Variants in IL12RB2 observed in about 807,000 individuals in gnomAD.
IL12RB2 encodes the protein interleukin 12 receptor subunit beta 2, also known as interleukin-12 receptor subunit beta-2.
In IL12RB2, 82 loss-of-function variants were observed where a neutral mutation model predicts 89.4. The ratio of observed to expected loss-of-function variants is 0.92; its 90% CI spans 0.77 to 1.10. The LOEUF is 1.10. Among genes scored for constraint, IL12RB2 ranks in the 50% least tolerant of loss-of-function variants. The pLI, the probability that IL12RB2 is intolerant of heterozygous loss-of-function variation, is 0.00. For missense variants in IL12RB2, 963 were observed against 1,031.9 expected (o/e 0.93, Z 0.92); for synonymous variants, 368 against 370.1 (o/e 0.99, Z 0.07).
At chr1:67,370,300 C>T (rs1663161067) in intron 11 of IL12RB2, among the ~76,000 whole-genome samples, 1 of 152,062 alleles carries the variant, frequency 6.6e-6, no homozygotes, top group African/African-American at 2.4e-5. Flanking sequence ...CAGCCCGGCT[C>T]CTGATTTATA....
rs1195774802 is a variant in IL12RB2, at chr1:67,322,041, G to A, written c.364+152G>A. The A allele has an allele frequency of 5.6e-6, 4 of 712,162 alleles. No homozygotes were observed. The Admixed American group carries it at 6.5e-5, about 12-fold the overall frequency. The allele number at this position is 712,162 out of a possible 1,614,324, so 44.1% of individuals were successfully genotyped here. ...ATTTTATCTTGATACCGACCTGAGAGCTTCAATGTGAGTTCAGAAACTGGA... is the reference window on the plus strand; with the variant it reads ...ATTTTATCTTGATACCGACCTGAGAACTTCAATGTGAGTTCAGAAACTGGA... On this transcript the variant is annotated intron_variant, in intron 4 of 16. Transcript: ENST00000674203.
intron 4 of IL12RB2, among the ~76,000 whole-genome samples, chr1:67,322,436 CAAAAAAAAAA>C (rs56249028): frequency 2.4e-5 from 3 of 127,218 alleles, no homozygotes; most frequent in Admixed American, 7.9e-5. Flanking sequence ...CTGACTCCAG[CAAAAAAAAAA>C]AAAAAAAAAA....
intron 2 of IL12RB2, among the ~76,000 whole-genome samples, 190 bp downstream of exon 2, chr1:67,314,190 TA>T (rs1293095635): frequency 6.6e-6 from 1 of 152,198 alleles, no homozygotes; most frequent in African/African-American, 2.4e-5. Context: ...GCACAGTAGT[TA>T]CTAGTAACTC....
chr1:67,322,183 T>G (rs758604512), intron 4 of IL12RB2, among the ~76,000 whole-genome samples: 9 of 152,116 alleles, frequency 5.9e-5, no homozygotes, highest in Non-Finnish European at 1.2e-4. Context: ...TATGCTTTTT[T>G]GACTTAGGAG....
At chr1:67,313,268 C>T (rs1480600925) in intron 1 of IL12RB2, among the ~76,000 whole-genome samples, 3 of 152,234 alleles carry the variant, frequency 2.0e-5, no homozygotes, top group East Asian at 1.9e-4. Context: ...GTTTCATCCT[C>T]TTTTGAGGGA....
At chr1:67,351,182 G>A (rs1373487499) in intron 10 of IL12RB2, 93 bp downstream of exon 10, 1 of 1,555,726 alleles carries the variant, frequency 6.4e-7, no homozygotes, top group East Asian at 2.4e-5. Flanking sequence ...CCTAAAATGA[G>A]TAGCTAGGAG....
Position 67,374,777 on chromosome 1 carries a change from CTTTTTTTTTTTTT to C in IL12RB2, c.1717+2011_1717+2023del, listed in dbSNP as rs35122967. Among the ~76,000 whole-genome samples the C allele has an allele frequency of 2.4e-4, 13 of 53,866 alleles. No homozygotes were observed. The South Asian group carries it at 7.3e-3, about 30-fold the overall frequency. 35.3% of individuals were successfully genotyped at this position (53,866 alleles called of 152,430 possible). On this transcript the variant is annotated intron_variant, in intron 13 of 16. Coordinates refer to ENST00000674203, the MANE Select transcript of IL12RB2 (RefSeq NM_001374259.2). ...AGGCGTGAGCCACCCAGCCCAGCCT[CTTTTTTTTTTTTT>C]TTTTTTTTTTTTTTTTAACAGTAAG... is the stretch of plus-strand genomic sequence containing the variant.
intron 10 of IL12RB2, 76 bp downstream of exon 10, chr1:67,351,165 C>A (rs575161419): frequency 1.3e-6 from 2 of 1,571,766 alleles, no homozygotes; most frequent in South Asian, 1.2e-5. Flanking sequence ...GCAGGCCCAA[C>A]CCAGGACCTA....
At chr1:67,358,759 T>C (rs1661667476) in intron 10 of IL12RB2, among the ~76,000 whole-genome samples, 1 of 152,066 alleles carries the variant, frequency 6.6e-6, no homozygotes, top group African/African-American at 2.4e-5. Context: ...CTTTCAAACC[T>C]AGCTGAAATA....
chr1:67,342,091 CT>C, intron 9 of IL12RB2, among the ~76,000 whole-genome samples: 1 of 152,190 alleles, frequency 6.6e-6, no homozygotes, highest in Non-Finnish European at 1.5e-5. Flanking sequence ...AGGGAGTTAT[CT>C]AAGTGTCAGG....
In IL12RB2 at chr1:67,351,060, G is replaced by A. The variant is rs201307534; in HGVS notation, c.1229G>A (p.Arg410His). Reference sequence around the variant, plus strand: ...TCAAAAGGCAGTTCTCTGCCCACTCGTATTAACATAATGAACCTGTGTGAG... The same window carrying A: ...TCAAAAGGCAGTTCTCTGCCCACTCATATTAACATAATGAACCTGTGTGAG... ...ANSKGSSLPT[R>H]INIMNLCEAG... is the part of the protein sequence containing the mutation. Residue 410 changes from arginine to histidine, a missense_variant, in exon 10 of 17, where the codon CGT (arginine) becomes CAT (histidine). Coordinates refer to ENST00000674203, the MANE Select transcript of IL12RB2 (RefSeq NM_001374259.2). The A allele has an allele frequency of 6.1e-5, 98 of 1,613,372 alleles. No individual in the cohort carries two copies. The highest frequency in any genetic ancestry group is 2.5e-4 in the East Asian group (11 of 44,890).
intron 9 of IL12RB2, among the ~76,000 whole-genome samples, chr1:67,346,489 C>A (rs1243578177): frequency 1.3e-5 from 2 of 148,726 alleles, no homozygotes; most frequent in Non-Finnish European, 3.0e-5. Context: ...TGGGTTCAAG[C>A]AATTCTCCCA....
chr1:67,390,933 G>A (rs17838063), intron 16 of IL12RB2, among the ~76,000 whole-genome samples: 7,035 of 152,046 alleles, frequency 0.046, 224 homozygotes, highest in Admixed American at 0.069. Flanking sequence ...TCCAACTACC[G>A]AGTATGTTCT....
intron 10 of IL12RB2, among the ~76,000 whole-genome samples, chr1:67,353,140 C>T (rs1661030050): frequency 6.6e-6 from 1 of 152,130 alleles, no homozygotes; most frequent in Admixed American, 6.6e-5. Flanking sequence ...TTAAACTCAC[C>T]ATGACCCTCA....
chr1:67,334,572 G>A (rs1033779460), intron 8 of IL12RB2, among the ~76,000 whole-genome samples: 4 of 152,100 alleles, frequency 2.6e-5, no homozygotes, highest in African/African-American at 4.8e-5. Flanking sequence ...TCCGCCTCCC[G>A]GGTTCACGCC....
At chr1:67,311,249 G>C (rs1032299605) in intron 1 of IL12RB2, among the ~76,000 whole-genome samples, 1 of 152,210 alleles carries the variant, frequency 6.6e-6, no homozygotes, top group African/African-American at 2.4e-5. Flanking sequence ...GGAGGTAGTA[G>C]CTTTGTGGGT....
intron 10 of IL12RB2, among the ~76,000 whole-genome samples, chr1:67,359,889 G>A (rs371676590): frequency 6.6e-6 from 1 of 151,536 alleles, no homozygotes; most frequent in Non-Finnish European, 1.5e-5. Flanking sequence ...CCACTGCCCC[G>A]AAAATTGAAG....
At position 67,334,018 on chromosome 1, in the gene IL12RB2, A is replaced by C. The variant is rs60208495; in HGVS notation, c.958+3208A>C. 3.5e-4 allele frequency among the ~76,000 whole-genome samples: 53 copies of C among 152,288 alleles called. 1 individual carries two copies. The East Asian group carries it at 9.8e-3, about 28-fold the overall frequency. ...CGTTGCATGTTCATTCGTACTTTGG[A>C]GGGGCAGAGTGGTAAAGGAGAAACC... is the stretch of plus-strand genomic sequence containing the variant. On this transcript the variant is annotated intron_variant, in intron 8 of 16. Coordinates refer to ENST00000674203, the MANE Select transcript of IL12RB2 (RefSeq NM_001374259.2).
intron 10 of IL12RB2, among the ~76,000 whole-genome samples, chr1:67,367,323 A>C (rs551688899): frequency 6.6e-6 from 1 of 151,682 alleles, no homozygotes; most frequent in South Asian, 2.1e-4. Context: ...TGAATCTGGG[A>C]GGTTGAGGCT....
Sources: gnomAD v4.1 joint callset for allele counts (sites outside exome capture counted in the v4.1 genomes callset) on GRCh38, gnomAD v4.1.1 for gene constraint, MANE v1.5 for transcripts, NCBI Gene and HGNC (gene_info 2026-07-23, HGNC 2026-07-21) for gene names.